GUCY1A1: variants seen among roughly 807,000 people sequenced by gnomAD.
GUCY1A1 encodes the protein guanylate cyclase 1 soluble subunit alpha 1.
Under a neutral mutation model 64.5 loss-of-function variants are expected in GUCY1A1, and 48 were observed. The observed-to-expected ratio is 0.74, with a 90% CI of 0.59 to 0.95. GUCY1A1 has a LOEUF of 0.95. Ranked by LOEUF, GUCY1A1 falls within the 40% of genes least tolerant of loss-of-function variation. The pLI is 0.00. For synonymous variants in GUCY1A1, 308 were observed against 303.4 expected (o/e 1.02, Z -0.16); for missense variants, 804 against 825.3 (o/e 0.97, Z 0.32).
intron 2 of GUCY1A1, among the ~76,000 whole-genome samples, chr4:155,670,593 G>C (rs939075290): frequency 4.6e-5 from 7 of 152,190 alleles, no homozygotes; most frequent in African/African-American, 1.4e-4. Flanking sequence ...AGGGGTGAAA[G>C]AAGAGCTGTA....
chr4:155,703,689 G>T (rs949064563), intron 3 of GUCY1A1, among the ~76,000 whole-genome samples: 8 of 152,188 alleles, frequency 5.3e-5, no homozygotes, highest in Admixed American at 2.0e-4. Context: ...GGCTAAACCT[G>T]TGGGCCACAA....
At chr4:155,688,502 A>C (rs1729311307) in intron 2 of GUCY1A1, among the ~76,000 whole-genome samples, 1 of 152,206 alleles carries the variant, frequency 6.6e-6, no homozygotes. Flanking sequence ...TCACTTTAAA[A>C]GTTTCATCAG....
intron 2 of GUCY1A1, among the ~76,000 whole-genome samples, chr4:155,682,664 T>TC (rs145779894): frequency 0.21 from 31,428 of 150,502 alleles, 3,563 homozygotes; most frequent in Non-Finnish European, 0.23. Flanking sequence ...AGAGTGAGAC[T>TC]CCATCTCAAA....
intron 5 of GUCY1A1, among the ~76,000 whole-genome samples, chr4:155,709,252 G>T (rs1390194634): frequency 1.3e-5 from 2 of 151,986 alleles, no homozygotes; most frequent in Non-Finnish European, 2.9e-5. Flanking sequence ...GCCACCAAAG[G>T]CTCTGCCATC....
intron 8 of GUCY1A1, among the ~76,000 whole-genome samples, chr4:155,720,690 A>G (rs1192233800): frequency 6.6e-6 from 1 of 152,170 alleles, no homozygotes; most frequent in African/African-American, 2.4e-5. Context: ...AGTTTCTAGC[A>G]GATATCTGAA....
rs1354999127 is a variant in GUCY1A1 at position 155,732,432 on chromosome 4, A to T, written c.*2201A>T. ...CCATTAAATACAGAATAATTTGTGG[A>T]TCTTCAAAGAGGATGAACATACATT... On this transcript the variant is annotated 3_prime_UTR_variant, in exon 10 of 10. Transcript: ENST00000506455. The T allele has an allele frequency of 2.0e-5, 3 of 152,946 alleles. No homozygotes were observed. The highest frequency in any genetic ancestry group is 3.0e-5 in the Non-Finnish European group (2 of 67,676). The allele number at this position is 152,946 out of a possible 1,614,324, so 9.5% of individuals were successfully genotyped here. A position where few individuals can be genotyped will look rare whatever the true frequency, so the allele number is the denominator to read the frequency against.
chr4:155,730,689 T>C lies in GUCY1A1; in HGVS notation c.*458T>C, dbSNP rs1735445264. 6.5e-6 allele frequency: 1 copy of C among 153,938 alleles called. No individual in the cohort carries two copies. The highest frequency in any genetic ancestry group is 2.0e-4 in the South Asian group (1 of 4,890). The allele number at this position is 153,938 out of a possible 1,614,324, so 9.5% of individuals were successfully genotyped here. A position where few individuals can be genotyped will look rare whatever the true frequency, so the allele number is the denominator to read the frequency against. Reference sequence around the variant, plus strand: ...CTCAGTTCTTTCAAACTTTCAACTCTGCATTTTATTGCATTTTCTCATTTA... The same window carrying C: ...CTCAGTTCTTTCAAACTTTCAACTCCGCATTTTATTGCATTTTCTCATTTA... On this transcript the variant is annotated 3_prime_UTR_variant, in exon 10 of 10. Transcript: ENST00000506455.
At chr4:155,722,392 T>A in intron 9 of GUCY1A1, 200 bp downstream of exon 9, 1 of 1,394,522 alleles carries the variant, frequency 7.2e-7, no homozygotes, top group Non-Finnish European at 9.3e-7. Flanking sequence ...GCCTGAGGTG[T>A]TTGTGGCCCA....
At chr4:155,713,054 G>A (rs2126873126) in intron 6 of GUCY1A1, 44 bp from the exon 7 acceptor site, 5 of 1,530,576 alleles carry the variant, frequency 3.3e-6, no homozygotes, top group Non-Finnish European at 4.4e-6. Flanking sequence ...AGAAAGATGT[G>A]GGAAACTTGA....
Position 155,710,613 on chromosome 4 carries a change from A to T in GUCY1A1, c.448A>T (p.Asn150Tyr). Residue 150 changes from asparagine to tyrosine, a missense_variant, in exon 6 of 10, where the codon AAC (asparagine) becomes TAC (tyrosine). Transcript: ENST00000506455. ...VFKICYEEDE[N>Y]ILGVVGGTLK... ...TAAAATATGTTACGAGGAAGATGAA[A>T]ACATCCTTGGGGTGGTTGGAGGCAC... is the stretch of plus-strand genomic sequence containing the variant. 1 of 1,613,602 alleles carries T rather than the reference A, an allele frequency of 6.2e-7. No homozygotes were observed. Among genetic ancestry groups the T allele is most frequent in the South Asian group, 1.1e-5 (1 of 91,004 alleles).
At chr4:155,690,810 C>T (rs77283217) in intron 2 of GUCY1A1, among the ~76,000 whole-genome samples, 1,692 of 152,280 alleles carry the variant, frequency 0.011, 18 homozygotes, top group Middle Eastern at 0.024. Context: ...AAATAGTTTT[C>T]CTCCTGGATT....
chr4:155,685,237 T>C (rs1728818575), intron 2 of GUCY1A1, among the ~76,000 whole-genome samples: 1 of 152,142 alleles, frequency 6.6e-6, no homozygotes, highest in Admixed American at 6.6e-5. Context: ...AATAAGATAA[T>C]GTATGTGATG....
Position 155,735,671 on chromosome 4 carries a change from A to C in GUCY1A1, c.*5440A>C, listed in dbSNP as rs553349422. ...AAGTATCTGCTCAGATGTTTGTTCC[A>C]TCTGAAATGCTGCCAAATCCATCTG... On this transcript the variant is annotated 3_prime_UTR_variant, in exon 10 of 10. Transcript: ENST00000506455. The C allele has an allele frequency of 3.3e-5, 5 of 152,126 alleles. No individual in the cohort carries two copies. The East Asian group carries it at 9.7e-4, about 30-fold the overall frequency. 9.4% of individuals were successfully genotyped at this position (152,126 alleles called of 1,614,324 possible).
At chr4:155,717,748 G>A (rs776932266) in intron 8 of GUCY1A1, among the ~76,000 whole-genome samples, 1 of 152,124 alleles carries the variant, frequency 6.6e-6, no homozygotes, top group Non-Finnish European at 1.5e-5. Context: ...TGGCAATCCT[G>A]CATCATGACT....
intron 9 of GUCY1A1, among the ~76,000 whole-genome samples, chr4:155,728,022 C>T (rs1228016375): frequency 6.6e-6 from 1 of 151,864 alleles, no homozygotes; most frequent in African/African-American, 2.4e-5. Flanking sequence ...AGGAATATCA[C>T]TTTCATTTAG....
intron 2 of GUCY1A1, among the ~76,000 whole-genome samples, chr4:155,695,585 T>C (rs2126729709): frequency 6.6e-6 from 1 of 152,284 alleles, no homozygotes; most frequent in Admixed American, 6.5e-5. Context: ...CACATTGGCT[T>C]TGGAGTCAGC....
At chr4:155,714,376 G>A (rs1732964883) in intron 7 of GUCY1A1, among the ~76,000 whole-genome samples, 1 of 152,188 alleles carries the variant, frequency 6.6e-6, no homozygotes, top group Admixed American at 6.5e-5. Context: ...CAGTCATACA[G>A]GATGAGCCAG....
chr4:155,683,459 G>A (rs1470597080), intron 2 of GUCY1A1, among the ~76,000 whole-genome samples: 2 of 152,288 alleles, frequency 1.3e-5, no homozygotes, highest in East Asian at 3.9e-4. Context: ...TTCAATTTCA[G>A]CAGAAAATAA....
At chr4:155,710,423 A>G in intron 5 of GUCY1A1, 119 bp from the exon 6 acceptor site, 1 of 641,270 alleles carries the variant, frequency 1.6e-6, no homozygotes, top group East Asian at 2.6e-5. Context: ...TGGAAATGTT[A>G]TTAGCAGATA....
Sources: allele counts gnomAD v4.1 joint callset (sites outside exome capture counted in the v4.1 genomes callset), GRCh38; gene constraint gnomAD v4.1.1; transcripts MANE v1.5; gene names NCBI Gene and HGNC (gene_info 2026-07-23, HGNC 2026-07-21).